ECHS1: variants seen among roughly 807,000 people sequenced by gnomAD.
ECHS1 encodes the protein enoyl-CoA hydratase, mitochondrial.
Under a neutral mutation model 33.5 loss-of-function variants are expected in ECHS1, and 19 were observed. The ratio of observed to expected loss-of-function variants is 0.57; its 90% CI spans 0.40 to 0.83. The LOEUF (loss-of-function observed/expected upper bound fraction) is 0.83, where lower values mean the gene tolerates loss of function less well. ECHS1 is among the 40% of genes least tolerant of loss of function. The pLI is 0.00. For missense variants in ECHS1, 365 were observed against 381.3 expected (o/e 0.96, Z 0.36); for synonymous variants, 158 against 146.6 (o/e 1.08, Z -0.56).
At chr10:133,368,803 C>G (rs940713194) in intron 4 of ECHS1, 120 bp downstream of exon 4, 2 of 902,914 alleles carry the variant, frequency 2.2e-6, no homozygotes, top group African/African-American at 1.7e-5. Context: ...GGACCACTGA[C>G]CAGCCATGGG....
intron 6 of ECHS1, among the ~76,000 whole-genome samples, chr10:133,365,366 T>C (rs1032397416): frequency 1.3e-5 from 2 of 152,088 alleles, no homozygotes; most frequent in Non-Finnish European, 2.9e-5. Flanking sequence ...TCGAGATAAA[T>C]GCACTCAGAG....
chr10:133,369,835 T>C, intron 3 of ECHS1, 69 bp downstream of exon 3: 1 of 1,563,670 alleles, frequency 6.4e-7, no homozygotes, highest in Non-Finnish European at 8.7e-7. Flanking sequence ...TAAAAATCTG[T>C]TATGCTGTGT....
rs765445288 is a variant in ECHS1 at position 133,370,708 on chromosome 10, G to C, written c.138C>G (p.Thr46=). The C allele has an allele frequency of 6.2e-7, 1 of 1,612,830 alleles. No homozygotes were observed. The highest frequency in any genetic ancestry group is 8.5e-7 in the Non-Finnish European group (1 of 1,179,694). The change falls in exon 2 of 8, where the codon ACC becomes ACG. Residue 46 remains threonine (T), a synonymous_variant. Transcript: ENST00000368547. ...GGCGGTTCAGTTGGATCAACCCCACGGTGTTATTCTTCCCTCTTTTTTCTG... is the reference window on the plus strand; with the variant it reads ...GGCGGTTCAGTTGGATCAACCCCACCGTGTTATTCTTCCCTCTTTTTTCTG... ...IIAEKRGKNN[T]VGLIQLNRPK... is the part of the protein sequence containing the mutation.
intron 5 of ECHS1, among the ~76,000 whole-genome samples, chr10:133,366,630 G>A (rs1386799100): frequency 1.3e-5 from 2 of 151,816 alleles, no homozygotes; most frequent in Non-Finnish European, 2.9e-5. Flanking sequence ...GGGACACCTG[G>A]ATGCCGCCCT....
intron 1 of ECHS1, among the ~76,000 whole-genome samples, chr10:133,372,691 T>G (rs1589884225): frequency 1.3e-5 from 1 of 76,630 alleles, no homozygotes; most frequent in Non-Finnish European, 2.6e-5. Context: ...GGGGTGGGGG[T>G]GCGGGCCAGG....
chr10:133,364,641 G>T lies in ECHS1; in HGVS notation c.807+17C>A. The T allele has an allele frequency of 6.3e-7, 1 of 1,599,328 alleles. No individual in the cohort carries two copies. Among genetic ancestry groups the T allele is most frequent in the South Asian group, 1.1e-5 (1 of 90,722 alleles). On this transcript the variant is annotated intron_variant, in intron 7 of 7. Coordinates refer to ENST00000368547, the MANE Select transcript of ECHS1 (RefSeq NM_004092.4). The stretch of plus-strand genomic sequence containing the variant: ...CTGGAATTTGCTTGATTCTCCGGTT[G>T]AACACTGTTTACTCACAGTGGCAAA...
intron 1 of ECHS1, among the ~76,000 whole-genome samples, chr10:133,371,220 T>A (rs1216152182): frequency 6.6e-6 from 1 of 151,652 alleles, no homozygotes; most frequent in Non-Finnish European, 1.5e-5. Flanking sequence ...GAGCTTGCAG[T>A]GAGCTGAGAT....
intron 1 of ECHS1, 51 bp from the exon 2 acceptor site, chr10:133,370,808 G>A (rs1260107368): frequency 6.4e-7 from 1 of 1,551,530 alleles, no homozygotes; most frequent in Non-Finnish European, 8.7e-7. Context: ...TATCAAACTG[G>A]GGAGAGTGGG....
Position 133,366,681 on chromosome 10 carries a change from A to G in ECHS1, c.619+208T>C, listed in dbSNP as rs144031547. On this transcript the variant is annotated intron_variant, in intron 5 of 7. Coordinates refer to ENST00000368547, the MANE Select transcript of ECHS1 (RefSeq NM_004092.4). Reference sequence around the variant, plus strand: ...TCCCCCATGGGGGACACCTGGATGCAGCTCTGGGTTTCTGTGGGGCTCCCA... The same window carrying G: ...TCCCCCATGGGGGACACCTGGATGCGGCTCTGGGTTTCTGTGGGGCTCCCA... Among the ~76,000 whole-genome samples the G allele has an allele frequency of 0.028, 3,632 of 129,464 alleles. 122 individuals are homozygous for G. The highest frequency in any genetic ancestry group is 0.12 in the Admixed American group (1,569 of 13,530). The allele number at this position is 129,464 out of a possible 152,430, so 84.9% of individuals were successfully genotyped here.
rs144111890 is a variant in ECHS1 at position 133,369,947 on chromosome 10, G to A, written c.371C>T (p.Thr124Ile). The change falls in exon 3 of 8, where the codon ACC becomes ATC. Residue 124 changes from threonine (T) to isoleucine (I), a missense_variant. Physicochemically the swap from Thr to Ile is moderately conservative, Grantham distance 89. Coordinates refer to ENST00000368547, the MANE Select transcript of ECHS1 (RefSeq NM_004092.4). ...AGCGATGACTGGCTTCTTGACCTGG[G>A]TGAGGTGGTCCCAGTGCTTCAAGAA... ...SKFLKHWDHL[T>I]QVKKPVIAAV... 11 of 1,613,748 alleles carry A rather than the reference G, an allele frequency of 6.8e-6. No homozygotes were observed. The African/African-American group carries it at 9.3e-5, about 14-fold the overall frequency.
In ECHS1 at chr10:133,373,341, T is replaced by G; in HGVS notation, c.-8A>C. On this transcript the variant is annotated 5_prime_UTR_variant, in exon 1 of 8. Transcript: ENST00000368547. Reference sequence around the variant, plus strand: ...GACACGCAGGGCGGCCATGGCTCTCTGGACTCCTCGCCCGGCCCCGCGGAG... The same window carrying G: ...GACACGCAGGGCGGCCATGGCTCTCGGGACTCCTCGCCCGGCCCCGCGGAG... 6.7e-7 allele frequency: 1 copy of G among 1,497,198 alleles called. No homozygotes were observed. Among genetic ancestry groups the G allele is most frequent in the Non-Finnish European group, 8.9e-7 (1 of 1,129,858 alleles). The allele number at this position is 1,497,198 out of a possible 1,614,324, so 92.7% of individuals were successfully genotyped here. A position where few individuals can be genotyped will look rare whatever the true frequency, so the allele number is the denominator to read the frequency against.
rs929774536 is a variant in ECHS1 at position 133,362,555 on chromosome 10, C to T, written c.*313G>A. 4.4e-6 allele frequency: 2 copies of T among 457,866 alleles called. No homozygotes were observed. Among genetic ancestry groups the T allele is most frequent in the African/African-American group, 3.9e-5 (2 of 50,830 alleles). The allele number at this position is 457,866 out of a possible 1,614,324, so 28.4% of individuals were successfully genotyped here. A position where few individuals can be genotyped will look rare whatever the true frequency, so the allele number is the denominator to read the frequency against. The stretch of plus-strand genomic sequence containing the variant: ...CAGACAGCGTTTCCCTCAGAGCAGC[C>T]CCATTCTTCAGCGGCAGGGACACAA... On this transcript the variant is annotated 3_prime_UTR_variant, in exon 8 of 8. Transcript: ENST00000368547.
At chr10:133,364,275 G>A (rs892679073) in intron 7 of ECHS1, among the ~76,000 whole-genome samples, 4 of 151,834 alleles carry the variant, frequency 2.6e-5, no homozygotes, top group East Asian at 1.9e-4. Flanking sequence ...TTTTTGAGAC[G>A]GGGTCTTGCT....
chr10:133,368,423 T>A (rs1044764875), intron 4 of ECHS1, among the ~76,000 whole-genome samples: 1 of 152,124 alleles, frequency 6.6e-6, no homozygotes, highest in Non-Finnish European at 1.5e-5. Context: ...TCCTGGCTGC[T>A]CGGCCTGGGC....
intron 2 of ECHS1, 102 bp downstream of exon 2, chr10:133,370,458 C>T (rs2133443036): frequency 1.6e-6 from 2 of 1,275,044 alleles, no homozygotes; most frequent in Admixed American, 3.1e-5. Flanking sequence ...AGTCGCATGC[C>T]TCTGCCATCA....
intron 6 of ECHS1, 69 bp from the exon 7 acceptor site, chr10:133,364,794 GA>G: frequency 7.7e-7 from 1 of 1,293,798 alleles, no homozygotes; most frequent in Non-Finnish European, 1.1e-6. Flanking sequence ...ACGGTGACAG[GA>G]AGCCCTCCTC....
intron 3 of ECHS1, among the ~76,000 whole-genome samples, 189 bp from the exon 4 acceptor site, chr10:133,369,211 G>T (rs1589882178): frequency 6.6e-6 from 1 of 152,174 alleles, no homozygotes; most frequent in African/African-American, 2.4e-5. Context: ...TTTACCAGGG[G>T]CTGGCAAACA....
intron 1 of ECHS1, among the ~76,000 whole-genome samples, chr10:133,371,141 G>A (rs1263268314): frequency 1.3e-5 from 2 of 151,934 alleles, no homozygotes; most frequent in Non-Finnish European, 2.9e-5. Context: ...GTCGGGTGTT[G>A]TGGCGGGCGC....
chr10:133,372,414 T>C (rs56019180), intron 1 of ECHS1, among the ~76,000 whole-genome samples: 5,142 of 151,958 alleles, frequency 0.034, 282 homozygotes, highest in African/African-American at 0.12. Flanking sequence ...GGGGAGGAGG[T>C]GTCAGCTTTT....
Sources: gnomAD v4.1 joint callset for allele counts (sites outside exome capture counted in the v4.1 genomes callset) on GRCh38, gnomAD v4.1.1 for gene constraint, MANE v1.5 for transcripts, NCBI Gene and HGNC (gene_info 2026-07-23, HGNC 2026-07-21) for gene names.